PHLPP1: variants seen among roughly 807,000 people sequenced by gnomAD.
PHLPP1 encodes the protein PH domain leucine-rich repeat-containing protein phosphatase 1.
Under a neutral mutation model 117.2 loss-of-function variants are expected in PHLPP1, and 42 were observed. The observed-to-expected ratio is 0.36, with a 90% confidence interval of 0.28 to 0.46. The LOEUF (loss-of-function observed/expected upper bound fraction) is 0.46. Among genes scored for constraint, PHLPP1 ranks in the 20% least tolerant of loss-of-function variants. PHLPP1 has a pLI of 1.00. For missense variants in PHLPP1, 2,084 were observed against 2,241.9 expected, an observed-to-expected ratio of 0.93 and a Z score of 1.42; for synonymous variants, 1,042 against 970.7, an observed-to-expected ratio of 1.07 and a Z score of -1.37.
chr18:62,838,754 G>T (rs779170542), intron 2 of PHLPP1, 30 bp from the exon 3 acceptor site: 1 of 1,603,904 alleles, frequency 6.2e-7, no homozygotes, highest in South Asian at 1.1e-5. Context: ...TGTCTGACTT[G>T]TTTCTGCTTC....
At chr18:62,950,634 A>G (rs1351771689) in intron 12 of PHLPP1, among the ~76,000 whole-genome samples, 1 of 152,238 alleles carries the variant, frequency 6.6e-6, no homozygotes, top group Non-Finnish European at 1.5e-5. Context: ...AACCAAGTTT[A>G]GGCTTTAGTT....
chr18:62,949,642 TTCAA>T (rs1910397703), intron 12 of PHLPP1, among the ~76,000 whole-genome samples: 1 of 152,240 alleles, frequency 6.6e-6, no homozygotes, highest in Admixed American at 6.5e-5. Flanking sequence ...GCATTGATCT[TTCAA>T]ACCCCTACCA....
intron 1 of PHLPP1, among the ~76,000 whole-genome samples, chr18:62,829,568 A>G (rs1447123943): frequency 6.6e-6 from 1 of 152,178 alleles, no homozygotes; most frequent in East Asian, 1.9e-4. Flanking sequence ...CCTGACCAAC[A>G]TGGTGAAACC....
intron 9 of PHLPP1, among the ~76,000 whole-genome samples, chr18:62,917,735 G>A (rs950886979): frequency 6.6e-6 from 1 of 151,744 alleles, no homozygotes; most frequent in Non-Finnish European, 1.5e-5. Context: ...GATTGCTTGA[G>A]CCTAGGAGGT....
At chr18:62,885,681 A>AAAAC (rs1916269001) in intron 4 of PHLPP1, among the ~76,000 whole-genome samples, 1 of 152,156 alleles carries the variant, frequency 6.6e-6, no homozygotes, top group Non-Finnish European at 1.5e-5. Flanking sequence ...AAAACAAAAC[A>AAAAC]AAAAAACTTT....
At chr18:62,791,707 T>C (rs892869021) in intron 1 of PHLPP1, among the ~76,000 whole-genome samples, 1 of 152,210 alleles carries the variant, frequency 6.6e-6, no homozygotes, top group Non-Finnish European at 1.5e-5. Context: ...TGACATTTTT[T>C]TGAGGCTGGA....
chr18:62,836,660 T>C (rs1240905534), intron 2 of PHLPP1, among the ~76,000 whole-genome samples: 4 of 151,646 alleles, frequency 2.6e-5, no homozygotes, highest in East Asian at 1.9e-4. Context: ...TGAGTTTGCA[T>C]GAGTTTGGAT....
intron 1 of PHLPP1, among the ~76,000 whole-genome samples, chr18:62,787,554 A>G (rs1049768670): frequency 3.3e-5 from 5 of 152,116 alleles, no homozygotes; most frequent in African/African-American, 4.8e-5. Context: ...GCAGGAATTG[A>G]ATTTTTATTT....
chr18:62,979,090 G>A lies in PHLPP1; in HGVS notation c.4813G>A (p.Gly1605Ser). The A allele has an allele frequency of 6.2e-7, 1 of 1,613,888 alleles. No homozygotes were observed. Among genetic ancestry groups the A allele is most frequent in the South Asian group, 1.1e-5 (1 of 91,056 alleles). ...CATCAGCGCCAACGAGGATGAGCCAGGTCTGCCCAGGAAGGCAGACTTCTC... is the reference window on the plus strand; with the variant it reads ...CATCAGCGCCAACGAGGATGAGCCAAGTCTGCCCAGGAAGGCAGACTTCTC... ...IVISANEDEP[G>S]LPRKADFSAV... Residue 1605 changes from glycine to serine, a missense_variant, in exon 17 of 17, where the codon GGT becomes AGT. By Grantham distance (56) the Gly-to-Ser change is moderately conservative (BLOSUM62 0). Coordinates refer to ENST00000262719, the MANE Select transcript of PHLPP1 (RefSeq NM_194449.4).
Position 62,715,956 on chromosome 18 carries a change from G to A in PHLPP1, c.273G>A (p.Gly91=). The A allele has an allele frequency of 1.7e-6, 2 of 1,200,432 alleles. No homozygotes were observed. Among genetic ancestry groups the A allele is most frequent in the Non-Finnish European group, 2.1e-6 (2 of 967,824 alleles). The allele number at this position is 1,200,432 out of a possible 1,614,324, so 74.4% of individuals were successfully genotyped here. ...GPLPGRAGGA[G]RRRRRGAPQP... ...TGCCGGGCAGAGCGGGGGGTGCCGG[G>A]CGCAGGAGGCGGCGCGGGGCGCCCC... is the stretch of plus-strand genomic sequence containing the variant. Residue 91 remains glycine (G), a synonymous_variant, in exon 1 of 17, where the codon GGG becomes GGA. Transcript: ENST00000262719.
At chr18:62,860,085 A>C (rs1341893401) in intron 3 of PHLPP1, among the ~76,000 whole-genome samples, 1 of 152,214 alleles carries the variant, frequency 6.6e-6, no homozygotes, top group African/African-American at 2.4e-5. Context: ...CCTGTGTAGC[A>C]TGTTACTGTA....
At chr18:62,804,216 A>G (rs889380512) in intron 1 of PHLPP1, among the ~76,000 whole-genome samples, 1 of 152,048 alleles carries the variant, frequency 6.6e-6, no homozygotes, top group African/African-American at 2.4e-5. Flanking sequence ...ATGAGAACTC[A>G]CTCACCATCA....
At chr18:62,826,943 T>C (rs1914628374) in intron 1 of PHLPP1, among the ~76,000 whole-genome samples, 1 of 152,014 alleles carries the variant, frequency 6.6e-6, no homozygotes, top group African/African-American at 2.4e-5. Context: ...GAGGTATCAG[T>C]GAGCCGAGAT....
At chr18:62,786,350 A>G (rs931121578) in intron 1 of PHLPP1, among the ~76,000 whole-genome samples, 5 of 152,058 alleles carry the variant, frequency 3.3e-5, no homozygotes, top group African/African-American at 1.2e-4. Context: ...TATTATCACC[A>G]TCTTGTTGTA....
chr18:62,918,281 G>A lies in PHLPP1; in HGVS notation c.2805-1678G>A, dbSNP rs566804229. Among the ~76,000 whole-genome samples, 102 of 150,320 alleles carry A rather than the reference G, an allele frequency of 6.8e-4. 1 individual carries two copies. The highest frequency in any genetic ancestry group is 3.4e-3 in the Middle Eastern group (1 of 292). On this transcript the variant is annotated intron_variant, in intron 9 of 16. Coordinates refer to ENST00000262719, the MANE Select transcript of PHLPP1 (RefSeq NM_194449.4). ...GGAAATGTATTGAAAAGGAAAGAAA[G>A]TATTTTAATGTTTAGACAGTACCCA...
intron 12 of PHLPP1, among the ~76,000 whole-genome samples, chr18:62,953,459 C>A (rs1203270654): frequency 6.6e-6 from 1 of 152,182 alleles, no homozygotes; most frequent in East Asian, 1.9e-4. Flanking sequence ...GCACAAAAAT[C>A]TTCTCTGGAA....
chr18:62,782,945 T>G (rs1913159979), intron 1 of PHLPP1, among the ~76,000 whole-genome samples: 1 of 152,144 alleles, frequency 6.6e-6, no homozygotes, highest in Non-Finnish European at 1.5e-5. Flanking sequence ...TTAATTTATT[T>G]ACTTTTATAA....
At position 62,758,757 on chromosome 18, in the gene PHLPP1, GAAACAAAACA is replaced by G. The variant is rs569857464; in HGVS notation, c.1576+41517_1576+41526del. 1.3e-3 allele frequency among the ~76,000 whole-genome samples: 191 copies of G among 152,188 alleles called. 7 individuals carry two copies. The South Asian group carries it at 0.037, about 29-fold the overall frequency. On this transcript the variant is annotated intron_variant, in intron 1 of 16. Coordinates refer to ENST00000262719, the MANE Select transcript of PHLPP1 (RefSeq NM_194449.4). ...AGAGTGAAGGATTTCCTTAGGAGTT[GAAACAAAACA>G]AAACAAAACAAAACAAAAAAACGAT...
intron 1 of PHLPP1, among the ~76,000 whole-genome samples, chr18:62,730,814 T>G (rs1172711936): frequency 1.3e-5 from 2 of 152,126 alleles, no homozygotes; most frequent in Non-Finnish European, 2.9e-5. Flanking sequence ...AAAAACTGTT[T>G]TGAAGAACTT....
Sources: gnomAD v4.1 joint callset for allele counts (sites outside exome capture counted in the v4.1 genomes callset) on GRCh38, gnomAD v4.1.1 for gene constraint, MANE v1.5 for transcripts, NCBI Gene and HGNC (gene_info 2026-07-23, HGNC 2026-07-21) for gene names.